Variants in DEAF1 observed in about 807,000 individuals in gnomAD.
DEAF1 encodes the protein deformed epidermal autoregulatory factor 1 homolog.
Under a neutral mutation model 58.9 loss-of-function variants are expected in DEAF1, and 53 were observed. The ratio of observed to expected loss-of-function variants is 0.90; its 90% CI spans 0.72 to 1.13. DEAF1 has a LOEUF of 1.13. Among genes scored for constraint, DEAF1 ranks in the 50% most tolerant of loss-of-function variants. The pLI is 0.00. For missense variants in DEAF1, 685 were observed against 791.4 expected, an observed-to-expected ratio of 0.87 and a Z score of 1.61; for synonymous variants, 385 against 340.4, an observed-to-expected ratio of 1.13 and a Z score of -1.44.
At chr11:683,523 C>T (rs1860461035) in intron 6 of DEAF1, among the ~76,000 whole-genome samples, 1 of 151,590 alleles carries the variant, frequency 6.6e-6, no homozygotes, top group Admixed American at 6.6e-5. Flanking sequence ...AGTCTTAAGA[C>T]CCCGCAATGT....
intron 1 of DEAF1, chr11:701,046 C>T (rs1234108948): frequency 1.3e-5 from 5 of 374,122 alleles, no homozygotes; most frequent in Non-Finnish European, 2.5e-5. Flanking sequence ...CTTTCCTTCC[C>T]CTTGCCCTTA....
chr11:693,153 A>G (rs1038554328), intron 1 of DEAF1, among the ~76,000 whole-genome samples: 1 of 152,242 alleles, frequency 6.6e-6, no homozygotes, highest in Non-Finnish European at 1.5e-5. Flanking sequence ...ATTTTTCAGA[A>G]GAAAACACAC....
In DEAF1 at chr11:695,097, C is replaced by A. The variant is rs1014382075; in HGVS notation, c.-50G>T. 1.4e-6 allele frequency: 2 copies of A among 1,400,336 alleles called. No individual in the cohort carries two copies. Among genetic ancestry groups the A allele is most frequent in the African/African-American group, 1.5e-5 (1 of 65,128 alleles). The allele number at this position is 1,400,336 out of a possible 1,614,324, so 86.7% of individuals were successfully genotyped here. A position where few individuals can be genotyped will look rare whatever the true frequency, so the allele number is the denominator to read the frequency against. Reference sequence around the variant, plus strand: ...AGGCGCCGTCCGGGACCGCCCGAAGCGCCGGTCGCGGAGCCCGAAGCGGGG... The same window carrying A: ...AGGCGCCGTCCGGGACCGCCCGAAGAGCCGGTCGCGGAGCCCGAAGCGGGG... On this transcript the variant is annotated 5_prime_UTR_variant, in exon 1 of 12. Coordinates refer to ENST00000382409, the MANE Select transcript of DEAF1 (RefSeq NM_021008.4).
upstream of DEAF1, chr11:695,332 C>T (rs1861077067): frequency 4.5e-6 from 2 of 440,654 alleles, no homozygotes; most frequent in Non-Finnish European, 8.0e-6. Context: ...CGAAGTTCCC[C>T]GAAGTGGGAA....
rs1164899799 is a variant in DEAF1, at chr11:684,817, G to A, written c.870+81C>T. ...GGCAGAGGGCAGGAGGGAAACAGCC[G>A]AGAGGCCAAGGGCTGTGGGACCCAC... On this transcript the variant is annotated intron_variant, in intron 6 of 11. Coordinates refer to ENST00000382409, the MANE Select transcript of DEAF1 (RefSeq NM_021008.4). 1.7e-5 allele frequency: 21 copies of A among 1,244,434 alleles called. No homozygotes were observed. In the Admixed American group the frequency reaches 2.0e-4, roughly 12 times the overall value. 77.1% of individuals were successfully genotyped at this position (1,244,434 alleles called of 1,614,324 possible).
chr11:654,070 A>T lies in DEAF1; in HGVS notation c.1504-19T>A. 3.1e-6 allele frequency: 5 copies of T among 1,610,138 alleles called. No homozygotes were observed. Among genetic ancestry groups the T allele is most frequent in the Non-Finnish European group, 4.2e-6 (5 of 1,178,284 alleles). On this transcript the variant is annotated intron_variant, in intron 10 of 11. Coordinates refer to ENST00000382409, the MANE Select transcript of DEAF1 (RefSeq NM_021008.4). ...AGGACTGCTGCAAGAAGGACACAAC[A>T]GGCCAGTCAGTGACGTGGCCGTGGA...
chr11:691,067 C>G (rs768087113), intron 2 of DEAF1, among the ~76,000 whole-genome samples: 1 of 152,262 alleles, frequency 6.6e-6, no homozygotes, highest in Non-Finnish European at 1.5e-5. Context: ...TCTAAGTAGA[C>G]AGCAGTCAGG....
At chr11:693,861 A>G (rs1860951631) in intron 1 of DEAF1, among the ~76,000 whole-genome samples, 2 of 152,240 alleles carry the variant, frequency 1.3e-5, no homozygotes. Flanking sequence ...AGCCTCCCCA[A>G]AGGAAGCCCG....
chr11:644,472 T>C lies in DEAF1; in HGVS notation c.*78A>G, dbSNP rs1391846349. The C allele has an allele frequency of 3.7e-6, 4 of 1,076,436 alleles. No individual in the cohort carries two copies. Among genetic ancestry groups the C allele is most frequent in the Non-Finnish European group, 4.2e-6 (3 of 715,696 alleles). 66.7% of individuals were successfully genotyped at this position (1,076,436 alleles called of 1,614,324 possible). A position where few individuals can be genotyped will look rare whatever the true frequency, so the allele number is the denominator to read the frequency against. ...CCCTCTTCTCAACGTCCCCCCAGAG[T>C]CCTCAGGGGGGCCTTCGACCTGCAA... is the stretch of plus-strand genomic sequence containing the variant. On this transcript the variant is annotated 3_prime_UTR_variant, in exon 12 of 12. Transcript: ENST00000382409. The surrounding 1 kb of genome is among the most constrained non-coding windows in gnomAD (Gnocchi z 4.3).
chr11:678,661 A>AACCT (rs767983631), intron 9 of DEAF1, 33 bp downstream of exon 9: 2 of 1,613,484 alleles, frequency 1.2e-6, no homozygotes, highest in East Asian at 4.5e-5. Flanking sequence ...TGAGGACAAT[A>AACCT]ACCTGTACAT....
chr11:663,720 T>C (rs541810122), intron 10 of DEAF1, among the ~76,000 whole-genome samples: 2 of 151,276 alleles, frequency 1.3e-5, no homozygotes, highest in African/African-American at 4.9e-5. Context: ...TTTTGACCCT[T>C]CCTCCATCTC....
intron 1 of DEAF1, chr11:700,302 G>T: frequency 2.1e-6 from 3 of 1,417,318 alleles, no homozygotes; most frequent in South Asian, 1.2e-5. Flanking sequence ...TGAGGTGGGC[G>T]GATCACTTGA....
chr11:704,371 G>C, intron 1 of DEAF1: 1 of 1,092,794 alleles, frequency 9.2e-7, no homozygotes, highest in Non-Finnish European at 1.2e-6. Context: ...TTTCCTGCCT[G>C]TCTTCGTGGA....
At chr11:694,595 G>T (rs1443152844) in intron 1 of DEAF1, 164 bp downstream of exon 1, 5 of 566,152 alleles carry the variant, frequency 8.8e-6, no homozygotes, top group Non-Finnish European at 1.3e-5. Flanking sequence ...CGTGGAGCAG[G>T]TGTGAGGGGC....
chr11:656,585 G>T (rs1278722596), intron 10 of DEAF1, among the ~76,000 whole-genome samples: 2 of 152,256 alleles, frequency 1.3e-5, no homozygotes. Context: ...CCCTGGTCCA[G>T]CCCCTCACAG....
chr11:703,843 G>A, intron 1 of DEAF1: 2 of 1,236,212 alleles, frequency 1.6e-6, no homozygotes, highest in Non-Finnish European at 2.0e-6. Flanking sequence ...GGATGAGACT[G>A]CAGGAGAGAG....
chr11:694,514 T>G (rs1861007114), intron 1 of DEAF1: 21 of 305,624 alleles, frequency 6.9e-5, no homozygotes, highest in East Asian at 9.5e-5. Flanking sequence ...GGGGCAGGTG[T>G]GAGAGGCAGA....
At chr11:648,325 C>G (rs866423036) in intron 11 of DEAF1, among the ~76,000 whole-genome samples, 20 of 151,576 alleles carry the variant, frequency 1.3e-4, no homozygotes, top group East Asian at 7.8e-4. Context: ...CTCCCGAGTA[C>G]CTGGGACTAC....
chr11:683,895 C>T (rs1860476876), intron 6 of DEAF1, among the ~76,000 whole-genome samples: 1 of 152,204 alleles, frequency 6.6e-6, no homozygotes, highest in Admixed American at 6.6e-5. Flanking sequence ...TGCAAATGAT[C>T]TACCTGCAGG....
Sources: allele counts gnomAD v4.1 joint callset (sites outside exome capture counted in the v4.1 genomes callset), GRCh38; gene constraint gnomAD v4.1.1; non-coding constraint Gnocchi (gnomAD v3.1); transcripts MANE v1.5; gene names NCBI Gene and HGNC (gene_info 2026-07-23, HGNC 2026-07-21).